TTYH1: variants seen among roughly 807,000 people sequenced by gnomAD.
The protein encoded by TTYH1 is protein tweety homolog 1.
In TTYH1, 33 loss-of-function variants were observed where a neutral mutation model predicts 61.2. That is an observed-to-expected ratio of 0.54 (90% CI 0.41 to 0.72). The LOEUF (loss-of-function observed/expected upper bound fraction) is 0.72, where lower values mean the gene tolerates loss of function less well. TTYH1 is among the 30% of genes least tolerant of loss of function. The pLI, the probability that TTYH1 is intolerant of heterozygous loss-of-function variation, is 0.00. For synonymous variants in TTYH1, 308 were observed against 266.4 expected, an observed-to-expected ratio of 1.16 and a Z score of -1.52; for missense variants, 538 against 575.8, an observed-to-expected ratio of 0.93 and a Z score of 0.67.
rs778743929 is a variant in TTYH1, at chr19:54,419,082, G to A, written c.127-46G>A. On this transcript the variant is annotated intron_variant, in intron 1 of 13. Coordinates refer to ENST00000376530, the MANE Select transcript of TTYH1 (RefSeq NM_020659.4). This position sits in a 1 kb window ranked among gnomAD's most constrained non-coding sequence, Gnocchi z 6.1. Reference sequence around the variant, plus strand: ...ACGCAGGAAGGGGGATCTGAGTGTGGAACACACGGGTGCCCTCGGAGGTCT... The same window carrying A: ...ACGCAGGAAGGGGGATCTGAGTGTGAAACACACGGGTGCCCTCGGAGGTCT... 5.7e-6 allele frequency: 9 copies of A among 1,566,750 alleles called. No homozygotes were observed. The highest frequency in any genetic ancestry group is 7.8e-6 in the Non-Finnish European group (9 of 1,153,538).
intron 1 of TTYH1, chr19:54,417,006 A>G (rs1389185308): frequency 8.4e-7 from 1 of 1,189,966 alleles, no homozygotes; most frequent in Non-Finnish European, 1.1e-6. Flanking sequence ...GCAGAGCCCC[A>G]CAGCCGAGGA....
intron 10 of TTYH1, among the ~76,000 whole-genome samples, chr19:54,433,910 C>T (rs2083489225): frequency 6.6e-6 from 1 of 152,042 alleles, no homozygotes; most frequent in Non-Finnish European, 1.5e-5. Flanking sequence ...TCAGTGTCTG[C>T]CTGGCAGGGC....
At chr19:54,431,330 G>T (rs1357428147) in intron 10 of TTYH1, 139 bp downstream of exon 10, 13 of 640,762 alleles carry the variant, frequency 2.0e-5, no homozygotes, top group Non-Finnish European at 2.8e-5. Context: ...TGATTTATCT[G>T]TCCTATATCT....
In TTYH1 at chr19:54,415,541, C is replaced by T; in HGVS notation, c.-12C>T. 6.9e-7 allele frequency: 1 copy of T among 1,454,634 alleles called. No homozygotes were observed. The highest frequency in any genetic ancestry group is 9.0e-7 in the Non-Finnish European group (1 of 1,107,078). 90.1% of individuals were successfully genotyped at this position (1,454,634 alleles called of 1,614,324 possible). ...CCCGGCGTCCGCCCCGCTGCCCCCT[C>T]CCCCGGGGGCCATGGGGGCGCCCCC... On this transcript the variant is annotated 5_prime_UTR_variant, in exon 1 of 14. Transcript: ENST00000376530. The surrounding 1 kb of genome is among the most constrained non-coding windows in gnomAD (Gnocchi z 5.2).
At position 54,419,848 on chromosome 19, in the gene TTYH1, C is replaced by T. The variant is rs960019560; in HGVS notation, c.305+542C>T. ...GATACTGACCAAGCCAGGCAAGGAG[C>T]CCCTCGTGCAGCTTATGTTCTAATC... On this transcript the variant is annotated intron_variant, in intron 2 of 13. Coordinates refer to ENST00000376530, the MANE Select transcript of TTYH1 (RefSeq NM_020659.4). The surrounding 1 kb of genome is among the most constrained non-coding windows in gnomAD (Gnocchi z 6.1). Among the ~76,000 whole-genome samples the T allele has an allele frequency of 2.0e-5, 3 of 152,144 alleles. No homozygotes were observed. The highest frequency in any genetic ancestry group is 1.3e-4 in the Admixed American group (2 of 15,264).
At position 54,415,634 on chromosome 19, in the gene TTYH1, C is replaced by T; in HGVS notation, c.82C>T (p.Pro28Ser). 6.4e-7 allele frequency: 1 copy of T among 1,567,996 alleles called. No homozygotes were observed. The highest frequency in any genetic ancestry group is 1.2e-5 in the South Asian group (1 of 85,126). The change falls in exon 1 of 14, where the codon CCG becomes TCG. Residue 28 changes from proline to serine, a missense_variant. By Grantham distance (74) the Pro-to-Ser change is moderately conservative. This residue lies in a region of TTYH1 where 157 missense variants were observed against 157.0 expected (regional missense o/e 1.00). Transcript: ENST00000376530. The surrounding 1 kb of genome is among the most constrained non-coding windows in gnomAD (Gnocchi z 5.2). ...QLPRADFQLR[P>S]VPSVFAPQEQ... is the part of the protein sequence containing the mutation. Reference sequence around the variant, plus strand: ...GCCCCGCGCCGACTTCCAGCTCCGCCCGGTGCCCAGCGTTTTCGCGCCCCA... The same window carrying T: ...GCCCCGCGCCGACTTCCAGCTCCGCTCGGTGCCCAGCGTTTTCGCGCCCCA...
intron 4 of TTYH1, among the ~76,000 whole-genome samples, chr19:54,424,123 T>C (rs1369247378): frequency 6.6e-6 from 1 of 151,348 alleles, no homozygotes; most frequent in African/African-American, 2.4e-5. Context: ...ATCGTGCCAC[T>C]GCACTCCAGC....
intron 10 of TTYH1, chr19:54,433,676 C>T (rs949050630): frequency 6.6e-6 from 1 of 151,240 alleles, no homozygotes; most frequent in Admixed American, 6.6e-5. Flanking sequence ...GAGTTCAAGA[C>T]CAGCCTGGCC....
Position 54,431,115 on chromosome 19 carries a change from T to C in TTYH1, c.1049T>C (p.Leu350Ser). 6.2e-7 allele frequency: 1 copy of C among 1,613,628 alleles called. No individual in the cohort carries two copies. Among genetic ancestry groups the C allele is most frequent in the Non-Finnish European group, 8.5e-7 (1 of 1,179,546 alleles). ...GCCCCGCAGAAGCCTCTGCTGTCCTTGGAGGAGACTCTGAATGTGACAGAA... is the reference window on the plus strand; with the variant it reads ...GCCCCGCAGAAGCCTCTGCTGTCCTCGGAGGAGACTCTGAATGTGACAGAA... The part of the protein sequence containing the change: ...FPSAQKPLLS[L>S]EETLNVTEGN... Residue 350 changes from leucine (L) to serine (S), a missense_variant, in exon 10 of 14, where the codon TTG becomes TCG. By Grantham distance (145) the Leu-to-Ser change is moderately radical. This residue lies in a region of TTYH1 where 378 missense variants were observed against 401.2 expected (regional missense o/e 0.94). Transcript: ENST00000376530.
chr19:54,436,052 A>C lies in TTYH1; in HGVS notation c.1315-39A>C. The stretch of plus-strand genomic sequence containing the variant: ...ACAGTACAAAGCCAATTCCCACTCC[A>C]TTCCCTCCTCTCCCCCGCTACCCCG... On this transcript the variant is annotated intron_variant, in intron 12 of 13. Transcript: ENST00000376530. This position sits in a 1 kb window ranked among gnomAD's most constrained non-coding sequence, Gnocchi z 4.3. 1 of 1,596,630 alleles carries C rather than the reference A, an allele frequency of 6.3e-7. No individual in the cohort carries two copies. Among genetic ancestry groups the C allele is most frequent in the Non-Finnish European group, 8.6e-7 (1 of 1,164,688 alleles).
intron 4 of TTYH1, 55 bp downstream of exon 4, chr19:54,422,465 G>C (rs188048797): frequency 4.9e-6 from 7 of 1,426,756 alleles, no homozygotes; most frequent in Admixed American, 2.5e-5. Flanking sequence ...CGGAGTCCCC[G>C]GGGGGACAGT....
chr19:54,416,086 G>A lies in TTYH1; in HGVS notation c.126+408G>A. 7.7e-7 allele frequency: 1 copy of A among 1,304,664 alleles called. No individual in the cohort carries two copies. Among genetic ancestry groups the A allele is most frequent in the Non-Finnish European group, 1.0e-6 (1 of 989,070 alleles). The allele number at this position is 1,304,664 out of a possible 1,614,324, so 80.8% of individuals were successfully genotyped here. Reference sequence around the variant, plus strand: ...GAGCAGGTGAATATGTCCCAGATAAGGTGGGACCCAGGAGACAGCGGACCT... The same window carrying A: ...GAGCAGGTGAATATGTCCCAGATAAAGTGGGACCCAGGAGACAGCGGACCT... On this transcript the variant is annotated intron_variant, in intron 1 of 13. Coordinates refer to ENST00000376530, the MANE Select transcript of TTYH1 (RefSeq NM_020659.4). This position sits in a 1 kb window ranked among gnomAD's most constrained non-coding sequence, Gnocchi z 7.0.
chr19:54,425,618 C>T (rs550586784), intron 4 of TTYH1, among the ~76,000 whole-genome samples: 4 of 152,092 alleles, frequency 2.6e-5, no homozygotes, highest in Non-Finnish European at 5.9e-5. Context: ...TAGTCGGCCT[C>T]GGACATCCAG....
At chr19:54,431,332 CCTATAT>C (rs1440110736) in intron 10 of TTYH1, 141 bp downstream of exon 10, 1 of 639,276 alleles carries the variant, frequency 1.6e-6, no homozygotes, top group Non-Finnish European at 2.8e-6. Flanking sequence ...ATTTATCTGT[CCTATAT>C]CTATTCTCTA....
intron 5 of TTYH1, 94 bp downstream of exon 5, chr19:54,426,862 G>A: frequency 8.9e-7 from 1 of 1,119,234 alleles, no homozygotes; most frequent in Non-Finnish European, 1.3e-6. Context: ...GGAGGACCGT[G>A]GTCCTTCACG....
rs375497554 is a variant in TTYH1, at chr19:54,436,131, C to T, written c.*2C>T. On this transcript the variant is annotated 3_prime_UTR_variant, in exon 13 of 14. Coordinates refer to ENST00000376530, the MANE Select transcript of TTYH1 (RefSeq NM_020659.4). The surrounding 1 kb of genome is among the most constrained non-coding windows in gnomAD (Gnocchi z 4.3). ...GTGCAGTGGCAGTCGTCTATCTGAG[C>T]CCCTCCTCCCGGCTGGACTGGAGCC... is the stretch of plus-strand genomic sequence containing the variant. The T allele has an allele frequency of 1.1e-5, 17 of 1,614,038 alleles. No individual in the cohort carries two copies. In the African/African-American group the frequency reaches 1.9e-4, roughly 18 times the overall value.
At chr19:54,426,028 TTAAC>T (rs2083314276) in intron 4 of TTYH1, among the ~76,000 whole-genome samples, 1 of 152,204 alleles carries the variant, frequency 6.6e-6, no homozygotes, top group Non-Finnish European at 1.5e-5. Context: ...GTATTAACTA[TTAAC>T]TAACATCTCA....
At chr19:54,430,264 G>T (rs1169291364) in intron 7 of TTYH1, among the ~76,000 whole-genome samples, 1 of 152,198 alleles carries the variant, frequency 6.6e-6, no homozygotes, top group Non-Finnish European at 1.5e-5. Context: ...AGGAGAGGGT[G>T]CTCCTGGGCG....
rs201111198 is a variant in TTYH1 at position 54,436,353 on chromosome 19, G to A, written c.*63G>A. The A allele has an allele frequency of 6.8e-5, 109 of 1,613,944 alleles. 1 individual carries two copies. Among genetic ancestry groups the A allele is most frequent in the Middle Eastern group, 1.6e-4 (1 of 6,084 alleles). On this transcript the variant is annotated 3_prime_UTR_variant, in exon 14 of 14. Transcript: ENST00000376530. The surrounding 1 kb of genome is among the most constrained non-coding windows in gnomAD (Gnocchi z 4.3). ...CGCAGTTCCTTCCCTGGCTGCCGGA[G>A]GAGACCCCACTAACCCAGCCTGCCT...
Sources: gnomAD v4.1 joint callset for allele counts (sites outside exome capture counted in the v4.1 genomes callset) on GRCh38, gnomAD v4.1.1 for gene constraint, gnomAD v4.1.1 regional missense constraint, Gnocchi (gnomAD v3.1) non-coding constraint, MANE v1.5 for transcripts, NCBI Gene and HGNC (gene_info 2026-07-23, HGNC 2026-07-21) for gene names.